TLN2: variants seen among roughly 807,000 people sequenced by gnomAD.
The protein encoded by TLN2 is talin 2, also known as talin-2.
In TLN2, 118 loss-of-function variants were observed where a neutral mutation model predicts 294.7. The observed-to-expected ratio is 0.40, with a 90% CI of 0.34 to 0.47. TLN2 has a LOEUF of 0.47. TLN2 is among the 20% of genes least tolerant of loss of function. The pLI, the probability that TLN2 is intolerant of heterozygous loss-of-function variation, is 0.84. For synonymous variants in TLN2, 1,431 were observed against 1,304.5 expected, an observed-to-expected ratio of 1.10 and a Z score of -2.09; for missense variants, 3,083 against 3,282.2, an observed-to-expected ratio of 0.94 and a Z score of 1.48.
intron 1 of TLN2, among the ~76,000 whole-genome samples, chr15:62,473,698 C>T (rs1419195450): frequency 6.6e-6 from 1 of 152,248 alleles, no homozygotes. Flanking sequence ...GGTCATACTT[C>T]TCTTTCATCA....
chr15:62,640,940 T>C (rs1365751039), intron 3 of TLN2, among the ~76,000 whole-genome samples: 1 of 152,042 alleles, frequency 6.6e-6, no homozygotes, highest in Non-Finnish European at 1.5e-5. Flanking sequence ...TGGCTGGGAT[T>C]ACAGGCGCCC....
At chr15:62,399,267 A>AAC (rs2140233361) in intron 1 of TLN2, among the ~76,000 whole-genome samples, 1 of 149,476 alleles carries the variant, frequency 6.7e-6, no homozygotes, top group South Asian at 2.1e-4. Flanking sequence ...AAAAAAAAAA[A>AAC]AAAAAAAAAA....
At chr15:62,800,587 G>A in intron 49 of TLN2, 66 bp from the exon 50 acceptor site, 1 of 1,609,916 alleles carries the variant, frequency 6.2e-7, no homozygotes, top group Non-Finnish European at 8.5e-7. Context: ...CGATCCAGAA[G>A]TAAAAGGAGT....
At chr15:62,809,529 A>G (rs1028616091) in intron 51 of TLN2, among the ~76,000 whole-genome samples, 10 of 152,148 alleles carry the variant, frequency 6.6e-5, no homozygotes, top group Non-Finnish European at 1.5e-4. Context: ...AGGACCCCTT[A>G]AGCTGCTAAA....
intron 36 of TLN2, 142 bp from the exon 37 acceptor site, chr15:62,755,390 T>G: frequency 2.0e-6 from 2 of 1,022,716 alleles, no homozygotes; most frequent in Non-Finnish European, 2.8e-6. Context: ...TGGAGTGACT[T>G]TGAGGGTCGC....
chr15:62,726,417 A>G (rs2060444048), intron 27 of TLN2, among the ~76,000 whole-genome samples: 1 of 152,172 alleles, frequency 6.6e-6, no homozygotes, highest in African/African-American at 2.4e-5. Context: ...GTAATCAAAT[A>G]ATTATCCATA....
intron 1 of TLN2, among the ~76,000 whole-genome samples, chr15:62,412,102 C>T (rs1413593107): frequency 6.7e-5 from 10 of 149,188 alleles, no homozygotes; most frequent in African/African-American, 2.0e-4. Context: ...GATTTAAAAT[C>T]GGTCTGTGGA....
At chr15:62,743,207 C>A (rs1422260540) in intron 32 of TLN2, among the ~76,000 whole-genome samples, 1 of 152,116 alleles carries the variant, frequency 6.6e-6, no homozygotes, top group Non-Finnish European at 1.5e-5. Flanking sequence ...AGTCCTCAGT[C>A]CTCTGTCCTC....
chr15:62,426,174 T>C (rs2034696340), intron 1 of TLN2, among the ~76,000 whole-genome samples: 1 of 152,078 alleles, frequency 6.6e-6, no homozygotes, highest in Non-Finnish European at 1.5e-5. Flanking sequence ...GTCCTAGAGG[T>C]GACTCCCGCT....
chr15:62,762,011 TG>T (rs1474532261), intron 38 of TLN2, among the ~76,000 whole-genome samples, 190 bp downstream of exon 38: 1 of 152,136 alleles, frequency 6.6e-6, no homozygotes, highest in Non-Finnish European at 1.5e-5. Context: ...ATAACATATA[TG>T]TAGAGAACAA....
chr15:62,498,083 GA>G (rs1388380681), intron 1 of TLN2, among the ~76,000 whole-genome samples: 12 of 129,802 alleles, frequency 9.2e-5, no homozygotes, highest in Admixed American at 1.9e-4. Flanking sequence ...CTTTTGGTAC[GA>G]AAAGTACAAA....
At chr15:62,582,247 C>CACACACACACACACAT (rs1412650912) in intron 1 of TLN2, among the ~76,000 whole-genome samples, 73 of 103,194 alleles carry the variant, frequency 7.1e-4, no homozygotes, top group Non-Finnish European at 1.1e-3. Context: ...CACACACACA[C>CACACACACACACACAT]ATTCATGCCT....
chr15:62,689,814 T>G (rs1198092724), intron 12 of TLN2, among the ~76,000 whole-genome samples: 1 of 143,802 alleles, frequency 7.0e-6, no homozygotes, highest in African/African-American at 2.5e-5. Context: ...GATATTTTTA[T>G]CTCTAGTTTT....
intron 37 of TLN2, among the ~76,000 whole-genome samples, chr15:62,756,846 T>C (rs2062288450): frequency 6.6e-6 from 1 of 152,010 alleles, no homozygotes. Flanking sequence ...AGTCAGCACA[T>C]GGGGCTCGCA....
At chr15:62,786,533 G>A (rs889055004) in intron 45 of TLN2, among the ~76,000 whole-genome samples, 1 of 152,168 alleles carries the variant, frequency 6.6e-6, no homozygotes, top group Non-Finnish European at 1.5e-5. Flanking sequence ...GAAAGAACTC[G>A]AGATCCTATG....
chr15:62,444,550 C>T (rs931175262), intron 1 of TLN2, among the ~76,000 whole-genome samples: 14 of 152,190 alleles, frequency 9.2e-5, no homozygotes, highest in African/African-American at 3.4e-4. Flanking sequence ...GTCCTTTTGC[C>T]TTTGTCTCCA....
Position 62,719,892 on chromosome 15 carries a change from G to A in TLN2, c.2991+12G>A. The A allele has an allele frequency of 6.3e-7, 1 of 1,596,466 alleles. No homozygotes were observed. Among genetic ancestry groups the A allele is most frequent in the South Asian group, 1.1e-5 (1 of 87,482 alleles). Reference sequence around the variant, plus strand: ...AGAACTTCCTCCAGGTAACAGGGCTGTGGTCACCTTGGGCTCACTCAGAGC... The same window carrying A: ...AGAACTTCCTCCAGGTAACAGGGCTATGGTCACCTTGGGCTCACTCAGAGC... On this transcript the variant is annotated intron_variant, in intron 25 of 58. Transcript: ENST00000636159.
At position 62,791,749 on chromosome 15, in the gene TLN2, G is replaced by C. The variant is rs574658914; in HGVS notation, c.5737-892G>C. Among the ~76,000 whole-genome samples the C allele has an allele frequency of 3.9e-5, 6 of 152,272 alleles. No individual in the cohort carries two copies. In the East Asian group the frequency reaches 9.6e-4, roughly 24 times the overall value. ...TGACCCATGCTTAAAGTTTTGGTTA[G>C]GTTTGAGTTGCCTACCTGGGCTGGA... On this transcript the variant is annotated intron_variant, in intron 45 of 58. Coordinates refer to ENST00000636159, the MANE Select transcript of TLN2 (RefSeq NM_015059.3).
chr15:62,481,274 A>G (rs1407227258), intron 1 of TLN2, among the ~76,000 whole-genome samples: 2 of 151,994 alleles, frequency 1.3e-5, no homozygotes, highest in Admixed American at 6.6e-5. Flanking sequence ...ACAACAAACT[A>G]TTAATGTTAA....
Sources: gnomAD v4.1 joint callset for allele counts (sites outside exome capture counted in the v4.1 genomes callset) on GRCh38, gnomAD v4.1.1 for gene constraint, MANE v1.5 for transcripts, NCBI Gene and HGNC (gene_info 2026-07-23, HGNC 2026-07-21) for gene names.